Variants in NRG1 observed in about 807,000 individuals in gnomAD.
NRG1 encodes the protein neuregulin 1.
In NRG1, 18 loss-of-function variants were observed where a neutral mutation model predicts 63.8. The observed-to-expected ratio is 0.28, with a 90% CI of 0.19 to 0.42. NRG1 has a LOEUF of 0.42. NRG1 is among the 10% of genes least tolerant of loss of function. The pLI is 1.00. For missense variants in NRG1, 762 were observed against 814.7 expected (o/e 0.94, Z 0.79); for synonymous variants, 302 against 301.3 (o/e 1.00, Z -0.02).
At chr8:32,482,959 G>T (rs953930864) in intron 1 of NRG1, among the ~76,000 whole-genome samples, 3 of 152,242 alleles carry the variant, frequency 2.0e-5, no homozygotes. Context: ...ACTCATTTGA[G>T]ACAAGGCTTT....
intron 1 of NRG1, among the ~76,000 whole-genome samples, chr8:31,831,996 C>A (rs1825207604): frequency 6.6e-6 from 1 of 152,176 alleles, no homozygotes; most frequent in Non-Finnish European, 1.5e-5. Context: ...CTTGCTTGCT[C>A]TTCACCTTAG....
At chr8:31,752,447 G>A (rs566862966) in intron 1 of NRG1, among the ~76,000 whole-genome samples, 1 of 152,192 alleles carries the variant, frequency 6.6e-6, no homozygotes, top group East Asian at 1.9e-4. Flanking sequence ...AGGAAGCAGG[G>A]ATGGAAGGGC....
chr8:31,655,937 G>A lies in NRG1; in HGVS notation c.37+16506G>A, dbSNP rs561478937. The stretch of plus-strand genomic sequence containing the variant: ...AAATTGTATGCACAGTAGGTGATGC[G>A]ATGGCAAATACTGCAGGAGAAGAAG... On this transcript the variant is annotated intron_variant, in intron 1 of 10. Transcript: ENST00000519301. Among the ~76,000 whole-genome samples the A allele has an allele frequency of 1.8e-4, 27 of 152,372 alleles. 1 individual carries two copies. Among genetic ancestry groups the A allele is most frequent in the African/African-American group, 5.3e-4 (22 of 41,592 alleles).
intron 1 of NRG1, among the ~76,000 whole-genome samples, chr8:32,070,730 C>T (rs1825636675): frequency 1.3e-5 from 2 of 152,232 alleles, no homozygotes; most frequent in Non-Finnish European, 1.5e-5. Context: ...GTGCTTACAA[C>T]ACATTCTCTG....
chr8:32,080,152 T>C (rs552727107), intron 1 of NRG1, among the ~76,000 whole-genome samples: 1 of 152,354 alleles, frequency 6.6e-6, no homozygotes, highest in African/African-American at 2.4e-5. Context: ...ATGTTTATCC[T>C]GCTTTTAAAG....
intron 1 of NRG1, among the ~76,000 whole-genome samples, chr8:32,177,019 A>C (rs187508169): frequency 0.092 from 14,011 of 152,220 alleles, 790 homozygotes; most frequent in African/African-American, 0.14. Flanking sequence ...CTATAAAGAC[A>C]CATGCACACA....
At chr8:31,993,531 A>C (rs1179506068) in intron 1 of NRG1, among the ~76,000 whole-genome samples, 1 of 151,956 alleles carries the variant, frequency 6.6e-6, no homozygotes, top group Non-Finnish European at 1.5e-5. Context: ...TGGTTTTATA[A>C]AAGGCAGTTC....
At chr8:32,449,098 C>T (rs1397713271) in intron 1 of NRG1, among the ~76,000 whole-genome samples, 1 of 152,028 alleles carries the variant, frequency 6.6e-6, no homozygotes, top group African/African-American at 2.4e-5. Flanking sequence ...AGTTTGAGAC[C>T]AGTCTGGGCA....
intron 1 of NRG1, among the ~76,000 whole-genome samples, chr8:31,704,520 T>C (rs1194906052): frequency 6.6e-6 from 1 of 152,098 alleles, no homozygotes; most frequent in Non-Finnish European, 1.5e-5. Context: ...ATGACATTTT[T>C]TGGGGGGTTA....
intron 1 of NRG1, among the ~76,000 whole-genome samples, chr8:32,162,931 G>A (rs190874717): frequency 6.6e-6 from 1 of 152,224 alleles, no homozygotes; most frequent in Admixed American, 6.5e-5. Flanking sequence ...ACACCACAAG[G>A]CTTGTGAACA....
chr8:32,564,356 T>A (rs1837034083), intron 1 of NRG1, among the ~76,000 whole-genome samples: 1 of 152,162 alleles, frequency 6.6e-6, no homozygotes, highest in African/African-American at 2.4e-5. Flanking sequence ...AAAGAATCAA[T>A]CCCACTTTTT....
chr8:32,453,532 C>G (rs1222813882), intron 1 of NRG1, among the ~76,000 whole-genome samples: 2 of 152,118 alleles, frequency 1.3e-5, no homozygotes, highest in Non-Finnish European at 2.9e-5. Flanking sequence ...GCAAGTTTAG[C>G]TTTTCTCCAG....
chr8:32,655,132 T>C lies in NRG1; in HGVS notation c.502+38247T>C, dbSNP rs181708659. The stretch of plus-strand genomic sequence containing the variant: ...AAATATGAAACCAGCACCAATTTTG[T>C]CCCTCATTCTATTTTAACTCCCTGC... On this transcript the variant is annotated intron_variant, in intron 5 of 11. Coordinates refer to ENST00000356819, the Ensembl canonical transcript of NRG1. Among the ~76,000 whole-genome samples the C allele has an allele frequency of 2.2e-3, 336 of 152,302 alleles. 1 individual carries two copies. Among genetic ancestry groups the C allele is most frequent in the Non-Finnish European group, 3.2e-3 (221 of 68,024 alleles).
At chr8:31,676,124 G>A (rs1237318982) in intron 1 of NRG1, among the ~76,000 whole-genome samples, 1 of 152,092 alleles carries the variant, frequency 6.6e-6, no homozygotes, top group African/African-American at 2.4e-5. Flanking sequence ...CCTGTGAAAG[G>A]AATTCCAGGC....
intron 1 of NRG1, among the ~76,000 whole-genome samples, chr8:31,900,129 G>A (rs1831949316): frequency 6.6e-6 from 1 of 152,282 alleles, no homozygotes; most frequent in East Asian, 1.9e-4. Context: ...TGATGAAAAA[G>A]AATAAGAGAA....
At chr8:32,735,464 T>G (rs1824780789) in intron 6 of NRG1, among the ~76,000 whole-genome samples, 1 of 152,080 alleles carries the variant, frequency 6.6e-6, no homozygotes, top group African/African-American at 2.4e-5. Flanking sequence ...ATTGAATGAT[T>G]TAAGGAAAAA....
intron 1 of NRG1, among the ~76,000 whole-genome samples, chr8:31,929,806 A>G (rs530275275): frequency 6.6e-6 from 1 of 152,286 alleles, no homozygotes; most frequent in South Asian, 2.1e-4. Context: ...TACAATATAT[A>G]TATCATTCCT....
rs117342837 is a variant in NRG1 at position 32,332,277 on chromosome 8, C to T, written c.38-263551C>T. ...AACACAAACACAGCAGCCTCGTGTT[C>T]TTCTCAGACATTGGTTTCTCCTCCT... On this transcript the variant is annotated intron_variant, in intron 1 of 10. Transcript: ENST00000519301. Among the ~76,000 whole-genome samples, 871 of 152,314 alleles carry T rather than the reference C, an allele frequency of 5.7e-3. 6 individuals carry two copies. The highest frequency in any genetic ancestry group is 0.01 in the Middle Eastern group (3 of 294).
intron 1 of NRG1, among the ~76,000 whole-genome samples, chr8:31,875,011 T>C (rs2129612025): frequency 6.6e-6 from 1 of 152,310 alleles, no homozygotes; most frequent in Admixed American, 6.5e-5. Context: ...CCCAGAGTTC[T>C]AGTTGTCATT....
Sources: gnomAD v4.1 joint callset for allele counts (sites outside exome capture counted in the v4.1 genomes callset) on GRCh38, gnomAD v4.1.1 for gene constraint, MANE v1.5 for transcripts, NCBI Gene and HGNC (gene_info 2026-07-23, HGNC 2026-07-21) for gene names.